PDE4D: variants seen among roughly 807,000 people sequenced by gnomAD.
The protein encoded by PDE4D is phosphodiesterase 4D.
PDE4D carries 24 observed loss-of-function variants against 87.4 expected under a neutral mutation model. That is an observed-to-expected ratio of 0.27 (90% CI 0.20 to 0.39). The LOEUF is 0.39. Among genes scored for constraint, PDE4D ranks in the 10% least tolerant of loss-of-function variants. The probability of loss-of-function intolerance (pLI) is 1.00; values close to 1 mark genes in which losing one functional copy is unlikely to be tolerated. For missense variants in PDE4D, 714 were observed against 1,041.0 expected (o/e 0.69, Z 4.32); for synonymous variants, 384 against 383.2 (o/e 1.00, Z -0.02).
intron 2 of PDE4D, among the ~76,000 whole-genome samples, chr5:60,155,779 TTC>T (rs1463675969): frequency 1.3e-5 from 2 of 150,042 alleles, no homozygotes; most frequent in East Asian, 3.9e-4. Context: ...TTCAGAGGCC[TTC>T]GACTTCTAAA....
chr5:59,887,455 C>T (rs575967229), intron 1 of PDE4D, among the ~76,000 whole-genome samples: 15 of 152,258 alleles, frequency 9.9e-5, no homozygotes, highest in African/African-American at 2.6e-4. Flanking sequence ...CCCTTAGCAA[C>T]GTTGCTGTTA....
intron 3 of PDE4D, among the ~76,000 whole-genome samples, chr5:59,924,534 C>T (rs1272257989): frequency 6.9e-6 from 1 of 144,822 alleles, no homozygotes; most frequent in Non-Finnish European, 1.5e-5. Context: ...TGTCTGACAG[C>T]AGAGAGTGGT....
intron 6 of PDE4D, among the ~76,000 whole-genome samples, chr5:59,005,141 T>G (rs1054345374): frequency 6.6e-6 from 1 of 152,206 alleles, no homozygotes; most frequent in African/African-American, 2.4e-5. Context: ...AGATTACATA[T>G]AGTAGATAAT....
chr5:59,964,712 C>G (rs1759819406), intron 3 of PDE4D, among the ~76,000 whole-genome samples: 1 of 152,126 alleles, frequency 6.6e-6, no homozygotes, highest in Non-Finnish European at 1.5e-5. Flanking sequence ...CCTGATTGGT[C>G]TCTCCACAGA....
At chr5:59,911,291 G>A (rs1453027826) in intron 3 of PDE4D, among the ~76,000 whole-genome samples, 7 of 152,114 alleles carry the variant, frequency 4.6e-5, no homozygotes, top group Non-Finnish European at 1.0e-4. Context: ...ATTGGTGCTT[G>A]AGATATTTTT....
At chr5:59,215,702 T>C in intron 2 of PDE4D, 75 bp downstream of exon 2, 3 of 1,241,436 alleles carry the variant, frequency 2.4e-6, no homozygotes, top group Non-Finnish European at 3.5e-6. Flanking sequence ...ACAAAAGTCA[T>C]TAGTTTTATT....
At chr5:60,467,442 A>G (rs1239403555) in intron 1 of PDE4D, among the ~76,000 whole-genome samples, 2 of 152,178 alleles carry the variant, frequency 1.3e-5, no homozygotes, top group Non-Finnish European at 2.9e-5. Context: ...CTTCTCTGTC[A>G]TTATGGATAT....
intron 1 of PDE4D, among the ~76,000 whole-genome samples, chr5:59,762,583 TAC>T (rs1328170386): frequency 2.6e-4 from 37 of 140,266 alleles, no homozygotes; most frequent in Admixed American, 5.6e-4. Flanking sequence ...TGTATATGGG[TAC>T]ACATATGTGT....
rs1448219988 is a variant in PDE4D, at chr5:60,474,116, A to ATGTG, written c.-90+13825_-90+13826insCACA. On this transcript the variant is annotated intron_variant, in intron 1 of 16. Coordinates refer to the PDE4D transcript ENST00000502484. ...TCCCTTTGAGCTGCCATATATATAT[A>ATGTG]TATATATATATATATATATATATAT... Among the ~76,000 whole-genome samples the ATGTG allele has an allele frequency of 4.1e-4, 29 of 71,440 alleles. 1 individual carries two copies. In the South Asian group the frequency reaches 8.3e-3, roughly 20 times the overall value. The allele number at this position is 71,440 out of a possible 152,430, so 46.9% of individuals were successfully genotyped here.
chr5:60,312,200 AACAG>A (rs141085171), intron 1 of PDE4D, among the ~76,000 whole-genome samples: 5,038 of 152,296 alleles, frequency 0.033, 124 homozygotes, highest in Middle Eastern at 0.082. Context: ...TAATTGGCCT[AACAG>A]ACATCTACAG....
intron 1 of PDE4D, among the ~76,000 whole-genome samples, chr5:59,590,393 C>T (rs1825752316): frequency 6.6e-6 from 1 of 152,056 alleles, no homozygotes; most frequent in African/African-American, 2.4e-5. Context: ...TAAGAAATAT[C>T]AGGAAGCCAG....
intron 1 of PDE4D, among the ~76,000 whole-genome samples, chr5:59,365,520 T>C (rs1433822384): frequency 2.0e-5 from 3 of 152,154 alleles, no homozygotes; most frequent in Non-Finnish European, 4.4e-5. Flanking sequence ...TCATCAACAT[T>C]AAAAACATAT....
chr5:59,053,361 ATACACACACAC>A (rs1761828344), intron 5 of PDE4D, among the ~76,000 whole-genome samples: 1 of 95,298 alleles, frequency 1.0e-5, no homozygotes, highest in African/African-American at 4.9e-5. Context: ...ATGGGTGTAC[ATACACACACAC>A]ACACACACAC....
intron 1 of PDE4D, among the ~76,000 whole-genome samples, chr5:60,392,686 T>C (rs1232002877): frequency 6.6e-6 from 1 of 152,226 alleles, no homozygotes; most frequent in Non-Finnish European, 1.5e-5. Flanking sequence ...TCCCTTTCCA[T>C]CTTCATTTTC....
chr5:60,229,706 C>T (rs939280448), intron 1 of PDE4D, among the ~76,000 whole-genome samples: 5 of 152,090 alleles, frequency 3.3e-5, no homozygotes, highest in Non-Finnish European at 7.4e-5. Context: ...GGCCCACTTA[C>T]TATCATCAAA....
intron 2 of PDE4D, among the ~76,000 whole-genome samples, chr5:60,068,846 C>A (rs926729213): frequency 1.6e-4 from 25 of 152,140 alleles, no homozygotes; most frequent in African/African-American, 6.0e-4. Flanking sequence ...AAACAATTCA[C>A]CCACAAGCTT....
At chr5:59,537,455 AC>A (rs1369981686) in intron 1 of PDE4D, among the ~76,000 whole-genome samples, 1 of 152,208 alleles carries the variant, frequency 6.6e-6, no homozygotes, top group Non-Finnish European at 1.5e-5. Context: ...TAATTTGAAA[AC>A]ATTAATAGGA....
chr5:59,451,003 T>C (rs1437240927), intron 1 of PDE4D, among the ~76,000 whole-genome samples: 1 of 152,204 alleles, frequency 6.6e-6, no homozygotes, highest in Non-Finnish European at 1.5e-5. Context: ...CTGAGCATAA[T>C]TTCTTGAAAT....
intron 1 of PDE4D, among the ~76,000 whole-genome samples, chr5:59,437,616 T>C (rs745828530): frequency 4.6e-5 from 7 of 152,140 alleles, no homozygotes; most frequent in Non-Finnish European, 8.8e-5. Flanking sequence ...ATCTATCAAT[T>C]CATTTTTCTA....
Sources: gnomAD v4.1 joint callset for allele counts (sites outside exome capture counted in the v4.1 genomes callset) on GRCh38, gnomAD v4.1.1 for gene constraint, MANE v1.5 for transcripts, NCBI Gene and HGNC (gene_info 2026-07-23, HGNC 2026-07-21) for gene names.